RBFOX1: variants seen among roughly 807,000 people sequenced by gnomAD.
RBFOX1 encodes the protein RNA binding protein fox-1 homolog 1.
RBFOX1 carries 8 observed loss-of-function variants against 57.7 expected under a neutral mutation model. The ratio of observed to expected loss-of-function variants is 0.14; its 90% CI spans 0.08 to 0.25. The LOEUF (loss-of-function observed/expected upper bound fraction) is 0.25, where lower values mean the gene tolerates loss of function less well. Among genes scored for constraint, RBFOX1 ranks in the 10% least tolerant of loss-of-function variants. The pLI, the probability that RBFOX1 is intolerant of heterozygous loss-of-function variation, is 1.00. For missense variants in RBFOX1, 611 were observed against 548.5 expected (o/e 1.11, Z -1.14); for synonymous variants, 326 against 222.4 (o/e 1.47, Z -4.15).
chr16:5,532,947 T>C (rs74823991), intron 2 of RBFOX1, among the ~76,000 whole-genome samples: 2,520 of 152,322 alleles, frequency 0.017, 81 homozygotes, highest in African/African-American at 0.057. Context: ...GAATGCTTCC[T>C]ACATCTTTAT....
intron 1 of RBFOX1, among the ~76,000 whole-genome samples, chr16:6,103,145 T>G (rs1469221698): frequency 1.3e-5 from 2 of 152,190 alleles, no homozygotes; most frequent in East Asian, 3.9e-4. Context: ...CAATATTTGC[T>G]CAGTGGGTAG....
intron 4 of RBFOX1, among the ~76,000 whole-genome samples, chr16:7,249,067 C>T (rs1460156352): frequency 6.6e-6 from 1 of 151,894 alleles, no homozygotes; most frequent in East Asian, 1.9e-4. Flanking sequence ...AGTAGTGTTC[C>T]AGGAATAGGA....
At chr16:7,575,677 G>A (rs1283041711) in intron 5 of RBFOX1, among the ~76,000 whole-genome samples, 2 of 152,186 alleles carry the variant, frequency 1.3e-5, no homozygotes, top group Non-Finnish European at 2.9e-5. Flanking sequence ...GGAGAATGAA[G>A]TCCAGTGGCT....
chr16:6,430,065 G>A (rs554070508), intron 2 of RBFOX1, among the ~76,000 whole-genome samples: 26 of 151,822 alleles, frequency 1.7e-4, no homozygotes, highest in East Asian at 1.4e-3. Flanking sequence ...CCTAGATCAC[G>A]TCACTGCATT....
chr16:5,746,497 G>A (rs1476574084), intron 3 of RBFOX1, among the ~76,000 whole-genome samples: 2 of 152,112 alleles, frequency 1.3e-5, no homozygotes, highest in East Asian at 1.9e-4. Flanking sequence ...TAGCTTGATG[G>A]GGATGGCATT....
intron 2 of RBFOX1, among the ~76,000 whole-genome samples, chr16:6,385,437 GC>G: frequency 6.6e-6 from 1 of 152,302 alleles, no homozygotes; most frequent in East Asian, 1.9e-4. Context: ...TTGGCTCACT[GC>G]AATCTCCTCC....
intron 3 of RBFOX1, among the ~76,000 whole-genome samples, chr16:6,697,810 A>G (rs921359414): frequency 3.3e-5 from 5 of 152,200 alleles, no homozygotes; most frequent in East Asian, 1.9e-4. Flanking sequence ...GGAAGTCCAT[A>G]TCTCTACATG....
chr16:7,496,040 G>T (rs2068531471), intron 4 of RBFOX1, among the ~76,000 whole-genome samples: 1 of 152,186 alleles, frequency 6.6e-6, no homozygotes, highest in Non-Finnish European at 1.5e-5. Flanking sequence ...ACAGAACGTG[G>T]TGTGGTGGGA....
At chr16:6,193,148 A>G (rs1161910431) in intron 1 of RBFOX1, among the ~76,000 whole-genome samples, 1 of 151,594 alleles carries the variant, frequency 6.6e-6, no homozygotes. Context: ...TGGTGAGGCA[A>G]TGTGTTCATC....
intron 3 of RBFOX1, among the ~76,000 whole-genome samples, chr16:7,037,403 G>T (rs1025377303): frequency 6.6e-6 from 1 of 151,870 alleles, no homozygotes; most frequent in African/African-American, 2.4e-5. Flanking sequence ...CACCATGCCA[G>T]AGGTCTTAGC....
At chr16:6,962,146 G>A (rs896105402) in intron 3 of RBFOX1, among the ~76,000 whole-genome samples, 1 of 152,140 alleles carries the variant, frequency 6.6e-6, no homozygotes, top group African/African-American at 2.4e-5. Context: ...CTTGATAGGA[G>A]AATCCCTCCT....
chr16:7,686,106 G>A (rs2076006112), intron 14 of RBFOX1, among the ~76,000 whole-genome samples: 1 of 151,860 alleles, frequency 6.6e-6, no homozygotes. Flanking sequence ...GCCCCTCTAA[G>A]AGATCCTGAC....
In RBFOX1 at chr16:6,417,702, C is replaced by CTTTT. The variant is rs4036489; in HGVS notation, c.-64+100647_-64+100650dup. Among the ~76,000 whole-genome samples, 178 of 145,656 alleles carry CTTTT rather than the reference C, an allele frequency of 1.2e-3. 1 individual carries two copies. Among genetic ancestry groups the CTTTT allele is most frequent in the Middle Eastern group, 7.2e-3 (2 of 278 alleles). ...ACCATGTCTGGCCTTAAACTCCTTTCTTTTTAAAAAAAAAAAAAATTAAGT... is the reference window on the plus strand; with the variant it reads ...ACCATGTCTGGCCTTAAACTCCTTTCTTTTTTTTTAAAAAAAAAAAAAATTAAGT... On this transcript the variant is annotated intron_variant, in intron 2 of 15. Transcript: ENST00000550418.
intron 2 of RBFOX1, among the ~76,000 whole-genome samples, chr16:6,542,774 G>A (rs1222278807): frequency 6.6e-6 from 1 of 152,010 alleles, no homozygotes; most frequent in Non-Finnish European, 1.5e-5. Flanking sequence ...TTACAGGTGT[G>A]AACCACTGCG....
At chr16:6,800,609 C>T (rs975870756) in intron 3 of RBFOX1, among the ~76,000 whole-genome samples, 3 of 152,116 alleles carry the variant, frequency 2.0e-5, no homozygotes, top group African/African-American at 7.2e-5. Flanking sequence ...AGAGCAAATT[C>T]AGGATACCAA....
chr16:5,726,980 C>G (rs968057470), intron 3 of RBFOX1, among the ~76,000 whole-genome samples: 2 of 152,092 alleles, frequency 1.3e-5, no homozygotes, highest in African/African-American at 4.8e-5. Context: ...ATGTGAAGGC[C>G]GGGCATGGTG....
chr16:6,961,425 C>T (rs960686695), intron 3 of RBFOX1, among the ~76,000 whole-genome samples: 2 of 152,286 alleles, frequency 1.3e-5, no homozygotes, highest in East Asian at 3.9e-4. Flanking sequence ...CTTAAAACAA[C>T]AAAGATTGTT....
At chr16:6,304,951 C>G (rs1252727749) in intron 1 of RBFOX1, among the ~76,000 whole-genome samples, 1 of 148,560 alleles carries the variant, frequency 6.7e-6, no homozygotes, top group African/African-American at 2.5e-5. Context: ...CAATTTCTCT[C>G]TCCAATGACA....
At chr16:6,283,929 C>T (rs974791408) in intron 1 of RBFOX1, among the ~76,000 whole-genome samples, 20 of 152,260 alleles carry the variant, frequency 1.3e-4, no homozygotes, top group Non-Finnish European at 2.5e-4. Flanking sequence ...TTGGAGGGAA[C>T]AAGAAAAGGA....
Sources: gnomAD v4.1 joint callset for allele counts (sites outside exome capture counted in the v4.1 genomes callset) on GRCh38, gnomAD v4.1.1 for gene constraint, MANE v1.5 for transcripts, NCBI Gene and HGNC (gene_info 2026-07-23, HGNC 2026-07-21) for gene names.